Variants in SUGCT observed in about 807,000 individuals in gnomAD.
SUGCT encodes succinyl-CoA:glutarate-CoA transferase, also known as succinyl-CoA:glutarate CoA-transferase.
Under a neutral mutation model 55.0 loss-of-function variants are expected in SUGCT, and 41 were observed. The observed-to-expected ratio is 0.74, with a 90% confidence interval of 0.58 to 0.97. The LOEUF is 0.97. Among genes scored for constraint, SUGCT ranks in the 50% least tolerant of loss-of-function variants. The probability of loss-of-function intolerance (pLI) is 0.00; values close to 1 mark genes in which losing one functional copy is unlikely to be tolerated. For synonymous variants in SUGCT, 187 were observed against 200.4 expected (o/e 0.93, Z 0.56); for missense variants, 568 against 547.8 (o/e 1.04, Z -0.37).
At chr7:40,295,880 G>A (rs537855205) in intron 8 of SUGCT, among the ~76,000 whole-genome samples, 18 of 152,212 alleles carry the variant, frequency 1.2e-4, no homozygotes, top group African/African-American at 3.4e-4. Flanking sequence ...TGCTGCATCC[G>A]TTTCTTTTTG....
intron 12 of SUGCT, among the ~76,000 whole-genome samples, chr7:40,636,779 A>C (rs916703808): frequency 3.3e-5 from 5 of 152,198 alleles, no homozygotes; most frequent in African/African-American, 1.2e-4. Context: ...TGTTATATAT[A>C]GTTTACCACA....
intron 12 of SUGCT, among the ~76,000 whole-genome samples, chr7:40,506,872 T>C (rs535419467): frequency 2.0e-5 from 3 of 152,332 alleles, no homozygotes; most frequent in East Asian, 1.9e-4. Context: ...CCAGAACTTA[T>C]ATTTGGTTCG....
At chr7:40,297,628 G>A (rs756322111) in intron 8 of SUGCT, among the ~76,000 whole-genome samples, 3 of 152,124 alleles carry the variant, frequency 2.0e-5, no homozygotes, top group Non-Finnish European at 2.9e-5. Context: ...GCATTAAATT[G>A]GTGAAAATCA....
At chr7:40,247,575 C>T (rs1789984370) in intron 7 of SUGCT, among the ~76,000 whole-genome samples, 1 of 152,004 alleles carries the variant, frequency 6.6e-6, no homozygotes, top group South Asian at 2.1e-4. Context: ...TAAATTTTAG[C>T]CATTTTGGTG....
chr7:40,863,786 G>GA (rs755426647), downstream of SUGCT, among the ~76,000 whole-genome samples: 4 of 151,676 alleles, frequency 2.6e-5, no homozygotes, highest in East Asian at 1.9e-4. Flanking sequence ...CAACGGGCCT[G>GA]AAAAAAAACA....
intron 8 of SUGCT, among the ~76,000 whole-genome samples, chr7:40,301,453 G>A (rs764576939): frequency 2.6e-5 from 4 of 152,118 alleles, no homozygotes; most frequent in Admixed American, 1.3e-4. Context: ...TGCTTGAAGC[G>A]TAAACACGTA....
At chr7:40,506,716 C>T (rs1372753575) in intron 12 of SUGCT, among the ~76,000 whole-genome samples, 1 of 151,622 alleles carries the variant, frequency 6.6e-6, no homozygotes, top group Non-Finnish European at 1.5e-5. Flanking sequence ...GTTTATTTTT[C>T]TCCAATCTTT....
At chr7:40,652,099 C>G (rs769330695) in intron 12 of SUGCT, among the ~76,000 whole-genome samples, 2 of 152,064 alleles carry the variant, frequency 1.3e-5, no homozygotes, top group Non-Finnish European at 2.9e-5. Flanking sequence ...TTATTCTTCC[C>G]TATTTTCTGG....
chr7:40,431,235 G>A (rs1787882217), intron 9 of SUGCT, among the ~76,000 whole-genome samples: 1 of 151,570 alleles, frequency 6.6e-6, no homozygotes, highest in Non-Finnish European at 1.5e-5. Flanking sequence ...GGAAAAATTA[G>A]TTGACAGCAT....
chr7:40,910,613 G>A, the SUGCT span, among the ~76,000 whole-genome samples: 66 of 152,242 alleles, frequency 4.3e-4, no homozygotes, highest in African/African-American at 1.4e-3. Context: ...TCCAGTGACC[G>A]CTCTGACAGT....
At chr7:40,623,479 T>C (rs112092870) in intron 12 of SUGCT, among the ~76,000 whole-genome samples, 2 of 152,350 alleles carry the variant, frequency 1.3e-5, no homozygotes, top group African/African-American at 4.8e-5. Context: ...AAGTACAATT[T>C]ATTGTTTTAT....
chr7:40,372,493 T>A (rs1784341608), intron 9 of SUGCT, among the ~76,000 whole-genome samples: 1 of 152,094 alleles, frequency 6.6e-6, no homozygotes, highest in South Asian at 2.1e-4. Context: ...TCTTTTGAGC[T>A]GTTTATGTTA....
intron 10 of SUGCT, among the ~76,000 whole-genome samples, chr7:40,452,961 C>A (rs1789271197): frequency 6.6e-6 from 1 of 152,160 alleles, no homozygotes; most frequent in Admixed American, 6.5e-5. Flanking sequence ...CTCTAACTGG[C>A]AGTCAACTTA....
At chr7:40,311,860 A>G (rs777327927) in intron 8 of SUGCT, among the ~76,000 whole-genome samples, 3 of 152,184 alleles carry the variant, frequency 2.0e-5, no homozygotes, top group Non-Finnish European at 4.4e-5. Context: ...TTGTTAAAAA[A>G]TAGTGTTCAG....
At chr7:40,767,301 G>T (rs986140048) in intron 13 of SUGCT, among the ~76,000 whole-genome samples, 6 of 152,110 alleles carry the variant, frequency 3.9e-5, no homozygotes, top group Non-Finnish European at 7.4e-5. Context: ...ATAGAGTTTT[G>T]TACCCAAAAT....
chr7:40,266,471 A>G (rs1228242815), intron 7 of SUGCT, among the ~76,000 whole-genome samples: 1 of 151,966 alleles, frequency 6.6e-6, no homozygotes, highest in African/African-American at 2.4e-5. Flanking sequence ...ATACCTATCA[A>G]AAAAGTTGCA....
intron 12 of SUGCT, among the ~76,000 whole-genome samples, chr7:40,722,625 C>T (rs949467027): frequency 4.6e-5 from 7 of 152,298 alleles, no homozygotes; most frequent in African/African-American, 1.7e-4. Context: ...TCTAAAACCT[C>T]ATGGTTTGTC....
intron 3 of SUGCT, among the ~76,000 whole-genome samples, chr7:40,185,389 A>G (rs900493691): frequency 6.6e-6 from 1 of 152,188 alleles, no homozygotes; most frequent in Non-Finnish European, 1.5e-5. Flanking sequence ...CTATATAGTG[A>G]GGCCTATTTC....
chr7:40,890,814 CT>C, the SUGCT span, among the ~76,000 whole-genome samples: 2 of 152,084 alleles, frequency 1.3e-5, no homozygotes, highest in Non-Finnish European at 2.9e-5. Context: ...TACCAGTAAT[CT>C]AAAGAAATGG....
Sources: allele counts gnomAD v4.1 joint callset (sites outside exome capture counted in the v4.1 genomes callset), GRCh38; gene constraint gnomAD v4.1.1; transcripts MANE v1.5; gene names NCBI Gene and HGNC (gene_info 2026-07-23, HGNC 2026-07-21).